ITGB4: variants seen among roughly 807,000 people sequenced by gnomAD.
ITGB4 encodes the protein integrin beta-4.
A neutral mutation model predicts 207.6 loss-of-function variants in ITGB4; 159 were observed. The observed-to-expected ratio is 0.77, with a 90% confidence interval of 0.67 to 0.87. The LOEUF (loss-of-function observed/expected upper bound fraction) is 0.87, where lower values mean the gene tolerates loss of function less well. Ranked by LOEUF, ITGB4 falls within the 40% of genes least tolerant of loss-of-function variation. ITGB4 has a pLI of 0.00. For missense variants in ITGB4, 2,278 were observed against 2,546.8 expected (o/e 0.89, Z 2.27); for synonymous variants, 1,020 against 1,062.7 (o/e 0.96, Z 0.78).
In ITGB4 at chr17:75,757,037, G is replaced by A. The variant is rs369204890; in HGVS notation, c.5148G>A (p.Val1716=). Residue 1716 remains valine, a synonymous_variant, in exon 38 of 40, where the codon GTG becomes GTA. Coordinates refer to ENST00000200181, the MANE Select transcript of ITGB4 (RefSeq NM_000213.5). ...AGAACGTGCCCTACAAGTTCAAGGT[G>A]CAGGCCAGGACCACTGAGGGCTTCG... ...LSENVPYKFK[V]QARTTEGFGP... 6.2e-7 allele frequency: 1 copy of A among 1,612,678 alleles called. No individual in the cohort carries two copies. The highest frequency in any genetic ancestry group is 1.3e-5 in the African/African-American group (1 of 74,912).
chr17:75,747,235 T>C (rs2061252684), intron 26 of ITGB4, among the ~76,000 whole-genome samples: 1 of 152,160 alleles, frequency 6.6e-6, no homozygotes, highest in Non-Finnish European at 1.5e-5. Context: ...TCCCAGCACT[T>C]TGGGAGGCTG....
chr17:75,756,814 G>T lies in ITGB4; in HGVS notation c.5008G>T (p.Asp1670Tyr), dbSNP rs759160067. ...SWERPRRPNG[D>Y]IVGYLVTCEM... is the part of the protein sequence containing the mutation. ...GGAGCGGCCACGGAGGCCCAATGGGGATATCGTCGGCTACCTGGTGACCTG... is the reference window on the plus strand; with the variant it reads ...GGAGCGGCCACGGAGGCCCAATGGGTATATCGTCGGCTACCTGGTGACCTG... The change falls in exon 37 of 40, where the codon GAT becomes TAT. Residue 1670 changes from aspartate (D) to tyrosine (Y), a missense_variant. Transcript: ENST00000200181. The T allele has an allele frequency of 1.9e-6, 3 of 1,612,484 alleles. No individual in the cohort carries two copies. The highest frequency in any genetic ancestry group is 1.3e-5 in the African/African-American group (1 of 75,042).
rs1051554 is a variant in ITGB4, at chr17:75,757,592, C to A, written c.*37C>A. ...CCCACCCCCGCCACGTCCCACTAGG[C>A]GTCCTCCCGACTCCTCTCCCGGAGC... On this transcript the variant is annotated 3_prime_UTR_variant, in exon 40 of 40. Transcript: ENST00000200181. 15 of 1,612,676 alleles carry A rather than the reference C, an allele frequency of 9.3e-6. No individual in the cohort carries two copies. Among genetic ancestry groups the A allele is most frequent in the African/African-American group, 1.3e-5 (1 of 74,960 alleles).
chr17:75,752,963 C>G (rs776049518), intron 32 of ITGB4, among the ~76,000 whole-genome samples: 1 of 152,236 alleles, frequency 6.6e-6, no homozygotes, highest in Non-Finnish European at 1.5e-5. Flanking sequence ...GAGACAAGAA[C>G]ACCCCCAACA....
At chr17:75,738,600 G>A (rs772232061) in intron 18 of ITGB4, among the ~76,000 whole-genome samples, 3 of 152,238 alleles carry the variant, frequency 2.0e-5, no homozygotes, top group Non-Finnish European at 4.4e-5. Context: ...GAGAGCACCT[G>A]CTCTGGGGTC....
rs1424957376 is a variant in ITGB4 at position 75,748,909 on chromosome 17, G to A, written c.3180G>A (p.Lys1060=). The A allele has an allele frequency of 6.2e-7, 1 of 1,613,228 alleles. No individual in the cohort carries two copies. Among genetic ancestry groups the A allele is most frequent in the Non-Finnish European group, 8.5e-7 (1 of 1,179,908 alleles). The change falls in exon 27 of 40, where the codon AAG becomes AAA. Residue 1060 remains lysine (K), a synonymous_variant. Coordinates refer to ENST00000200181, the MANE Select transcript of ITGB4 (RefSeq NM_000213.5). ...PGEAWKELQV[K]LLELQEVDSL... The stretch of plus-strand genomic sequence containing the variant: ...AGGCCTGGAAAGAGCTGCAGGTGAA[G>A]CTCCTGGAGCTGCAAGAAGTTGACT...
rs146620810 is a variant in ITGB4 at position 75,755,795 on chromosome 17, G to A, written c.4653G>A (p.Pro1551=). The change falls in exon 35 of 40, where the codon CCG becomes CCA. Residue 1551 remains proline, a synonymous_variant. Transcript: ENST00000200181. ...CTCTCAGAGTGAGCTGGCAGGAGCC[G>A]CGGTGCGAGCGGCCGCTGCAGGGCT... ...PTSLRVSWQE[P]RCERPLQGYS... The A allele has an allele frequency of 7.4e-5, 120 of 1,610,984 alleles. No individual in the cohort carries two copies. Among genetic ancestry groups the A allele is most frequent in the Admixed American group, 5.7e-4 (34 of 59,996 alleles).
rs928865629 is a variant in ITGB4, at chr17:75,737,793, G to T, written c.2220+149G>T. 48 of 722,018 alleles carry T rather than the reference G, an allele frequency of 6.6e-5. 1 individual carries two copies. The African/African-American group carries it at 8.3e-4, about 12-fold the overall frequency. The allele number at this position is 722,018 out of a possible 1,614,324, so 44.7% of individuals were successfully genotyped here. A position where few individuals can be genotyped will look rare whatever the true frequency, so the allele number is the denominator to read the frequency against. On this transcript the variant is annotated intron_variant, in intron 18 of 39. Transcript: ENST00000200181. ...CTTCCTGGGTCCCCACCTCCCCAGG[G>T]TCCCCATCCCAACAGGGTCCCCATC...
At chr17:75,730,143 C>T in intron 7 of ITGB4, 98 bp from the exon 8 acceptor site, 1 of 1,525,212 alleles carries the variant, frequency 6.6e-7, no homozygotes, top group Non-Finnish European at 9.0e-7. Context: ...TTAAGCCCAG[C>T]CCCATGTTGG....
chr17:75,742,527 T>C lies in ITGB4; in HGVS notation c.2782+38T>C, dbSNP rs1248487485. 3 of 1,613,226 alleles carry C rather than the reference T, an allele frequency of 1.9e-6. No individual in the cohort carries two copies. The highest frequency in any genetic ancestry group is 1.7e-6 in the Non-Finnish European group (2 of 1,179,838). ...GTCCGCTGTGCCACTGCCTCGCACC[T>C]CCCGCCTGTGTGGCCCTGTGACCCA... On this transcript the variant is annotated intron_variant, in intron 24 of 39. Coordinates refer to ENST00000200181, the MANE Select transcript of ITGB4 (RefSeq NM_000213.5). The surrounding 1 kb of genome is among the most constrained non-coding windows in gnomAD (Gnocchi z 5.9).
rs949482198 is a variant in ITGB4 at position 75,739,476 on chromosome 17, T to G, written c.2221-196T>G. Reference sequence around the variant, plus strand: ...GGATGAGAGTTCCACGGCGCAAACTTTGGGAACCCTCTGCCCCCATCCCCC... The same window carrying G: ...GGATGAGAGTTCCACGGCGCAAACTGTGGGAACCCTCTGCCCCCATCCCCC... On this transcript the variant is annotated intron_variant, in intron 18 of 39. Transcript: ENST00000200181. The surrounding 1 kb of genome is among the most constrained non-coding windows in gnomAD (Gnocchi z 5.4). Among the ~76,000 whole-genome samples, 1 of 151,958 alleles carries G rather than the reference T, an allele frequency of 6.6e-6. No individual in the cohort carries two copies. The highest frequency in any genetic ancestry group is 1.5e-5 in the Non-Finnish European group (1 of 67,972).
rs144669837 is a variant in ITGB4, at chr17:75,727,944, C to G, written c.469+89C>G. 3 of 1,213,334 alleles carry G rather than the reference C, an allele frequency of 2.5e-6. No individual in the cohort carries two copies. The East Asian group carries it at 7.1e-5, about 29-fold the overall frequency. 75.2% of individuals were successfully genotyped at this position (1,213,334 alleles called of 1,614,324 possible). A position where few individuals can be genotyped will look rare whatever the true frequency, so the allele number is the denominator to read the frequency against. ...AGGCCAGGACTCAGGACAGCTGCAC[C>G]CACCCAGAAGGAAACACTGGACATT... On this transcript the variant is annotated intron_variant, in intron 5 of 39. Transcript: ENST00000200181. The surrounding 1 kb of genome is among the most constrained non-coding windows in gnomAD (Gnocchi z 6.0).
At position 75,736,193 on chromosome 17, in the gene ITGB4, C is replaced by T. The variant is rs199992379; in HGVS notation, c.1761+39C>T. Reference sequence around the variant, plus strand: ...TAAGACAGACAGTGTCTGTCAGCACCACCCACCCTCTCCAGAGAGAACCCT... The same window carrying T: ...TAAGACAGACAGTGTCTGTCAGCACTACCCACCCTCTCCAGAGAGAACCCT... On this transcript the variant is annotated intron_variant, in intron 14 of 39. Coordinates refer to ENST00000200181, the MANE Select transcript of ITGB4 (RefSeq NM_000213.5). 16 of 1,606,550 alleles carry T rather than the reference C, an allele frequency of 1.0e-5. No homozygotes were observed. In the Admixed American group the frequency reaches 2.7e-4, roughly 27 times the overall value.
chr17:75,753,790 G>A lies in ITGB4; in HGVS notation c.4134G>A (p.Leu1378=). 1 of 1,457,520 alleles carries A rather than the reference G, an allele frequency of 6.9e-7. No individual in the cohort carries two copies. The highest frequency in any genetic ancestry group is 9.1e-7 in the Non-Finnish European group (1 of 1,104,892). 90.3% of individuals were successfully genotyped at this position (1,457,520 alleles called of 1,614,324 possible). A position where few individuals can be genotyped will look rare whatever the true frequency, so the allele number is the denominator to read the frequency against. The part of the protein sequence containing the change: ...DTGCGWKFEP[L]LGEELDLRRV... ...GCTGCGGCTGGAAGTTCGAGCCCCT[G>A]CTGGGGGAGGAGCTGGACCTGCGGC... The change falls in exon 33 of 40, where the codon CTG becomes CTA. Residue 1378 remains leucine, a synonymous_variant. Coordinates refer to ENST00000200181, the MANE Select transcript of ITGB4 (RefSeq NM_000213.5).
rs755961988 is a variant in ITGB4, at chr17:75,740,023, C to T, written c.2398C>T (p.Arg800Trp). 4.0e-5 allele frequency: 65 copies of T among 1,612,922 alleles called. No homozygotes were observed. The highest frequency in any genetic ancestry group is 4.7e-5 in the Non-Finnish European group (55 of 1,179,966). Reference sequence around the variant, plus strand: ...CTGGAAGGTCACCAACAACATGCAGCGGCCTGGCTTTGCCACTCATGCCGC... The same window carrying T: ...CTGGAAGGTCACCAACAACATGCAGTGGCCTGGCTTTGCCACTCATGCCGC... Reference protein sequence around the residue: ...VRWKVTNNMQRPGFATHAASI... With the variant: ...VRWKVTNNMQWPGFATHAASI... Residue 800 changes from arginine (R) to tryptophan (W), a missense_variant, in exon 20 of 40, where the codon CGG becomes TGG. Arg to Trp is a moderately radical substitution (Grantham distance 101, BLOSUM62 -3). Coordinates refer to ENST00000200181, the MANE Select transcript of ITGB4 (RefSeq NM_000213.5). The surrounding 1 kb of genome is among the most constrained non-coding windows in gnomAD (Gnocchi z 5.9).
chr17:75,751,169 G>T, intron 30 of ITGB4, 58 bp downstream of exon 30: 8 of 1,597,218 alleles, frequency 5.0e-6, no homozygotes, highest in East Asian at 4.5e-5. Context: ...AAGGGGAGGG[G>T]ACAAAGCTGG....
At chr17:75,743,293 C>T (rs570492996) in intron 25 of ITGB4, among the ~76,000 whole-genome samples, 3 of 152,276 alleles carry the variant, frequency 2.0e-5, no homozygotes, top group East Asian at 1.9e-4. Context: ...AGTGCAATGG[C>T]ACCATCTTGG....
chr17:75,729,179 T>A lies in ITGB4; in HGVS notation c.567-86T>A. 1.5e-5 allele frequency: 18 copies of A among 1,214,890 alleles called. No homozygotes were observed. Among genetic ancestry groups the A allele is most frequent in the Non-Finnish European group, 1.8e-5 (16 of 867,040 alleles). 75.3% of individuals were successfully genotyped at this position (1,214,890 alleles called of 1,614,324 possible). ...GTCTCAAAAAAAAAAAAAAAAATTC[T>A]CCTTCTAGTTGAAACGAGCCAGGGG... On this transcript the variant is annotated intron_variant, in intron 6 of 39. Transcript: ENST00000200181. The surrounding 1 kb of genome is among the most constrained non-coding windows in gnomAD (Gnocchi z 4.4).
rs752481919 is a variant in ITGB4, at chr17:75,753,890, G to A, written c.4234G>A (p.Ala1412Thr). 1 of 1,312,844 alleles carries A rather than the reference G, an allele frequency of 7.6e-7. No homozygotes were observed. The allele number at this position is 1,312,844 out of a possible 1,614,324, so 81.3% of individuals were successfully genotyped here. Residue 1412 changes from alanine to threonine, a missense_variant, in exon 33 of 40, where the codon GCG (alanine) becomes ACG (threonine). Physicochemically the swap from Ala to Thr is moderately conservative, Grantham distance 58. Transcript: ENST00000200181. ...ASSGRSSDAE[A>T]PHGPPDDGGA... ...CAGCGGGCGCTCCTCCGACGCCGAG[G>A]CGCCCCACGGGCCCCCGGACGACGG...
Sources: gnomAD v4.1 joint callset for allele counts (sites outside exome capture counted in the v4.1 genomes callset) on GRCh38, gnomAD v4.1.1 for gene constraint, Gnocchi (gnomAD v3.1) non-coding constraint, MANE v1.5 for transcripts, NCBI Gene and HGNC (gene_info 2026-07-23, HGNC 2026-07-21) for gene names.